LANCL3: variants seen among roughly 807,000 people sequenced by gnomAD.
LANCL3 encodes lanC-like protein 3.
Under a neutral mutation model 26.5 loss-of-function variants are expected in LANCL3, and 19 were observed. The observed-to-expected ratio is 0.72, with a 90% CI of 0.50 to 1.05. The LOEUF (loss-of-function observed/expected upper bound fraction) is 1.05, where lower values mean the gene tolerates loss of function less well. Ranked by LOEUF, LANCL3 falls within the 50% of genes least tolerant of loss-of-function variation. The pLI, the probability that LANCL3 is intolerant of heterozygous loss-of-function variation, is 0.00. For synonymous variants in LANCL3, 160 were observed against 166.6 expected (o/e 0.96, Z 0.30); for missense variants, 318 against 362.7 (o/e 0.88, Z 1.00).
chrX:37,628,606 C>G (rs1556423535), intron 1 of LANCL3, among the ~76,000 whole-genome samples: 1 of 66,783 alleles, frequency 1.5e-5, no homozygotes, highest in Non-Finnish European at 2.7e-5. Flanking sequence ...CCTCCCCCCA[C>G]CCCACAACAG....
Position 37,572,197 on chromosome X carries a change from G to T in LANCL3, c.327G>T (p.Trp109Cys), listed in dbSNP as rs1556415690. 14 of 1,170,428 alleles carry T rather than the reference G, an allele frequency of 1.2e-5. No homozygotes were observed. Among genetic ancestry groups the T allele is most frequent in the African/African-American group, 3.5e-5 (2 of 57,006 alleles). Reference sequence around the variant, plus strand: ...ACGCGTGCGCCCGCGCTGAGGAGTGGGGCGAACCGGACGCCGACACCCGCG... The same window carrying T: ...ACGCGTGCGCCCGCGCTGAGGAGTGTGGCGAACCGGACGCCGACACCCGCG... ...LIDACARAEE[W>C]GEPDADTRAA... The change falls in exon 1 of 5, where the codon TGG becomes TGT. Residue 109 changes from tryptophan to cysteine, a missense_variant. Physicochemically the swap from Trp to Cys is radical, Grantham distance 215. Coordinates refer to ENST00000378619, the MANE Select transcript of LANCL3 (RefSeq NM_001170331.2).
intron 1 of LANCL3, among the ~76,000 whole-genome samples, chrX:37,650,307 A>G (rs1452253441): frequency 3.7e-4 from 33 of 88,927 alleles, no homozygotes; most frequent in South Asian, 5.7e-4. Context: ...CATCTCAGGG[A>G]AAAAAAAAAA....
rs191195381 is a variant in LANCL3 at position 37,655,185 on chromosome X, G to A, written c.574-503G>A. On this transcript the variant is annotated intron_variant, in intron 1 of 4. Coordinates refer to ENST00000378619, the MANE Select transcript of LANCL3 (RefSeq NM_001170331.2). ...TTGGTTTCATTCAGGTAGTACAAATGCCTACAGTGAGTCCGTCATACTGCA... is the reference window on the plus strand; with the variant it reads ...TTGGTTTCATTCAGGTAGTACAAATACCTACAGTGAGTCCGTCATACTGCA... Among the ~76,000 whole-genome samples, 30 of 112,509 alleles carry A rather than the reference G, an allele frequency of 2.7e-4. No homozygotes were observed. The Admixed American group carries it at 2.7e-3, about 10-fold the overall frequency.
At chrX:37,644,837 G>T (rs2146769717) in intron 1 of LANCL3, among the ~76,000 whole-genome samples, 1 of 112,423 alleles carries the variant, frequency 8.9e-6, no homozygotes, top group Non-Finnish European at 1.9e-5. Context: ...AGCTTAAAAA[G>T]GATACTCATC....
At chrX:37,616,073 A>G (rs1924998042) in intron 1 of LANCL3, among the ~76,000 whole-genome samples, 1 of 111,597 alleles carries the variant, frequency 9.0e-6, no homozygotes, top group Non-Finnish European at 1.9e-5. Flanking sequence ...TCCTAATACC[A>G]TGGATTTCCT....
At chrX:37,576,579 T>C (rs1426525782) in intron 1 of LANCL3, among the ~76,000 whole-genome samples, 1 of 112,006 alleles carries the variant, frequency 8.9e-6, no homozygotes, top group Non-Finnish European at 1.9e-5. Context: ...GTTGACTTGT[T>C]CTGGTTTTCA....
At chrX:37,640,361 T>C (rs1925832000) in intron 1 of LANCL3, among the ~76,000 whole-genome samples, 1 of 110,968 alleles carries the variant, frequency 9.0e-6, no homozygotes, top group Admixed American at 9.6e-5. Flanking sequence ...TTTTAAACCA[T>C]CAGATCTCCT....
At chrX:37,586,667 T>C (rs1280385787) in intron 1 of LANCL3, among the ~76,000 whole-genome samples, 2 of 112,092 alleles carry the variant, frequency 1.8e-5, no homozygotes, top group Admixed American at 9.4e-5. Flanking sequence ...TAAGGACCTC[T>C]CTACACTAGT....
chrX:37,665,417 T>TA (rs1375570470), intron 3 of LANCL3, among the ~76,000 whole-genome samples: 3 of 111,956 alleles, frequency 2.7e-5, no homozygotes, highest in Non-Finnish European at 5.6e-5. Flanking sequence ...TGGAATTCTC[T>TA]ATGTATCCTT....
At chrX:37,583,405 G>A (rs1477020263) in intron 1 of LANCL3, among the ~76,000 whole-genome samples, 1 of 111,585 alleles carries the variant, frequency 9.0e-6, no homozygotes, top group African/African-American at 3.3e-5. Context: ...AATTACCTTG[G>A]GCAGTATAGC....
At chrX:37,588,010 A>G (rs559485805) in intron 1 of LANCL3, among the ~76,000 whole-genome samples, 2 of 112,900 alleles carry the variant, frequency 1.8e-5, no homozygotes, top group African/African-American at 6.4e-5. Context: ...GGAAAAATAA[A>G]CACAGTAAAA....
chrX:37,652,437 C>T (rs12009407), intron 1 of LANCL3, among the ~76,000 whole-genome samples: 1,725 of 111,997 alleles, frequency 0.015, 36 homozygotes, highest in African/African-American at 0.052. Context: ...AGGAATATTT[C>T]ACAAGGTCAG....
At chrX:37,635,483 G>C (rs1411381740) in intron 1 of LANCL3, among the ~76,000 whole-genome samples, 2 of 111,394 alleles carry the variant, frequency 1.8e-5, no homozygotes, top group Admixed American at 1.9e-4. Context: ...CCTTATATGT[G>C]TATAATAAAA....
At chrX:37,594,547 A>G (rs1924371880) in intron 1 of LANCL3, among the ~76,000 whole-genome samples, 1 of 112,177 alleles carries the variant, frequency 8.9e-6, no homozygotes, top group Non-Finnish European at 1.9e-5. Flanking sequence ...TATGGCCCCC[A>G]ATTGATAAGA....
In LANCL3 at chrX:37,572,396, G is replaced by C. The variant is rs1465210515; in HGVS notation, c.526G>C (p.Gly176Arg). 6 of 1,175,178 alleles carry C rather than the reference G, an allele frequency of 5.1e-6. No individual in the cohort carries two copies. In the East Asian group the frequency reaches 1.9e-4, roughly 37 times the overall value. The change falls in exon 1 of 5, where the codon GGT becomes CGT. Residue 176 changes from glycine (G) to arginine (R), a missense_variant. Gly to Arg is a moderately radical substitution (Grantham distance 125). Transcript: ENST00000378619. ...GSDELFVGRAGYLCAALVLKQ... is the reference protein window; with the variant it reads ...GSDELFVGRARYLCAALVLKQ... ...CGACGAGCTGTTCGTGGGCCGCGCG[G>C]GTTACCTGTGTGCCGCGCTGGTGCT... is the stretch of plus-strand genomic sequence containing the variant.
chrX:37,673,791 CAT>C (rs1556436821), intron 4 of LANCL3, among the ~76,000 whole-genome samples: 2 of 110,937 alleles, frequency 1.8e-5, no homozygotes, highest in African/African-American at 3.3e-5. Context: ...ACTTTAATAA[CAT>C]GTAATAATGC....
intron 3 of LANCL3, among the ~76,000 whole-genome samples, chrX:37,666,196 G>A (rs1926541471): frequency 8.9e-6 from 1 of 111,930 alleles, no homozygotes; most frequent in Admixed American, 9.5e-5. Context: ...GAGGGAACCA[G>A]AAAGATGTTA....
chrX:37,629,735 G>C (rs1197010513), intron 1 of LANCL3, among the ~76,000 whole-genome samples: 49 of 111,206 alleles, frequency 4.4e-4, no homozygotes, highest in Non-Finnish European at 1.9e-4. Flanking sequence ...TTTTTGTCAG[G>C]TTTGTCAAAG....
At chrX:37,596,889 T>A (rs1314548853) in intron 1 of LANCL3, among the ~76,000 whole-genome samples, 3 of 112,017 alleles carry the variant, frequency 2.7e-5, no homozygotes, top group Non-Finnish European at 5.6e-5. Context: ...TTTAATATGT[T>A]CATGGGGTTG....
Sources: allele counts gnomAD v4.1 joint callset (sites outside exome capture counted in the v4.1 genomes callset), GRCh38; gene constraint gnomAD v4.1.1; transcripts MANE v1.5; gene names NCBI Gene and HGNC (gene_info 2026-07-23, HGNC 2026-07-21).